KCNJ3: variants seen among roughly 807,000 people sequenced by gnomAD.
The protein encoded by KCNJ3 is potassium inwardly rectifying channel subfamily J member 3.
Under a neutral mutation model 39.2 loss-of-function variants are expected in KCNJ3, and 4 were observed. That is an observed-to-expected ratio of 0.10 (90% confidence interval 0.05 to 0.23). KCNJ3 has a LOEUF of 0.23. Ranked by LOEUF, KCNJ3 falls within the 10% of genes least tolerant of loss-of-function variation. KCNJ3 has a pLI of 1.00. For synonymous variants in KCNJ3, 230 were observed against 237.4 expected (o/e 0.97, Z 0.29); for missense variants, 276 against 634.9 (o/e 0.43, Z 6.08).
At chr2:154,769,457 G>A (rs1302158979) in intron 2 of KCNJ3, among the ~76,000 whole-genome samples, 4 of 152,074 alleles carry the variant, frequency 2.6e-5, no homozygotes, top group Admixed American at 1.3e-4. Context: ...TGTGGTTTTC[G>A]TCTTTTGTTC....
At chr2:154,796,238 T>C (rs1000841272) in intron 2 of KCNJ3, among the ~76,000 whole-genome samples, 3 of 152,142 alleles carry the variant, frequency 2.0e-5, no homozygotes, top group Non-Finnish European at 4.4e-5. Flanking sequence ...ATTCTAGGAA[T>C]GGCACTGAGA....
intron 2 of KCNJ3, among the ~76,000 whole-genome samples, chr2:154,818,613 C>A (rs2652457): frequency 0.44 from 66,601 of 151,962 alleles, 15,813 homozygotes; most frequent in Non-Finnish European, 0.54. Context: ...CTAGAAAAGT[C>A]ATACACCTAA....
chr2:154,753,086 A>G (rs999276725), intron 2 of KCNJ3, among the ~76,000 whole-genome samples: 1 of 152,000 alleles, frequency 6.6e-6, no homozygotes, highest in Non-Finnish European at 1.5e-5. Flanking sequence ...TCGGATAAGA[A>G]TTTTTCTCTA....
chr2:154,806,109 T>C lies in KCNJ3; in HGVS notation c.920-48618T>C, dbSNP rs554859962. On this transcript the variant is annotated intron_variant, in intron 2 of 2. Transcript: ENST00000295101. ...ACAATTATCTCATTCAAAATGTATG[T>C]TGTTTCCTCTCGAGAATTGTGAAGG... 2.6e-5 allele frequency among the ~76,000 whole-genome samples: 4 copies of C among 152,292 alleles called. 1 individual carries two copies. Among genetic ancestry groups the C allele is most frequent in the African/African-American group, 9.6e-5 (4 of 41,578 alleles).
chr2:154,819,048 C>A (rs1202731662), intron 2 of KCNJ3, among the ~76,000 whole-genome samples: 2 of 148,938 alleles, frequency 1.3e-5, no homozygotes, highest in Non-Finnish European at 3.0e-5. Context: ...GTCTATAATC[C>A]CAGCTACTCT....
chr2:154,745,661 C>T (rs1291980158), intron 2 of KCNJ3, among the ~76,000 whole-genome samples: 1 of 152,000 alleles, frequency 6.6e-6, no homozygotes, highest in Non-Finnish European at 1.5e-5. Flanking sequence ...AGAGAAGTCT[C>T]ACACTTTTGG....
At chr2:154,782,394 A>G (rs2105204276) in intron 2 of KCNJ3, among the ~76,000 whole-genome samples, 1 of 152,330 alleles carries the variant, frequency 6.6e-6, no homozygotes, top group African/African-American at 2.4e-5. Context: ...AGTAGGTGCT[A>G]ACTAAATGTT....
intron 2 of KCNJ3, among the ~76,000 whole-genome samples, chr2:154,764,919 T>C (rs2105191483): frequency 6.6e-6 from 1 of 152,284 alleles, no homozygotes; most frequent in East Asian, 1.9e-4. Flanking sequence ...TTTGCTCTAG[T>C]GGAAATGGCC....
intron 2 of KCNJ3, among the ~76,000 whole-genome samples, chr2:154,710,383 A>T (rs947553832): frequency 1.3e-5 from 2 of 152,112 alleles, no homozygotes; most frequent in African/African-American, 4.8e-5. Flanking sequence ...TTTCAAAAAG[A>T]TATTTTTTTC....
intron 2 of KCNJ3, among the ~76,000 whole-genome samples, chr2:154,853,162 G>A (rs1687784343): frequency 1.3e-5 from 2 of 151,062 alleles, no homozygotes; most frequent in South Asian, 2.1e-4. Context: ...AAAAAAGAGG[G>A]AAGAAGAGAG....
intron 2 of KCNJ3, among the ~76,000 whole-genome samples, chr2:154,727,433 AAAT>A (rs915596844): frequency 1.5e-4 from 23 of 151,774 alleles, no homozygotes; most frequent in African/African-American, 5.3e-4. Flanking sequence ...TAAAAAAAAA[AAAT>A]ACAAAATCAA....
chr2:154,773,582 A>C (rs543045100), intron 2 of KCNJ3, among the ~76,000 whole-genome samples: 3 of 152,250 alleles, frequency 2.0e-5, no homozygotes, highest in African/African-American at 7.2e-5. Flanking sequence ...AAGGACGATT[A>C]AGCCAGTGTC....
At chr2:154,769,614 C>T (rs182718611) in intron 2 of KCNJ3, among the ~76,000 whole-genome samples, 1 of 151,986 alleles carries the variant, frequency 6.6e-6, no homozygotes, top group Non-Finnish European at 1.5e-5. Flanking sequence ...GTTTTTGTGT[C>T]GATGTTCATC....
intron 2 of KCNJ3, among the ~76,000 whole-genome samples, chr2:154,795,374 C>G (rs966002332): frequency 6.6e-6 from 1 of 151,734 alleles, no homozygotes; most frequent in African/African-American, 2.4e-5. Context: ...AAGAATCTGT[C>G]TCAATTTTAA....
intron 2 of KCNJ3, among the ~76,000 whole-genome samples, chr2:154,789,675 C>T (rs1161943775): frequency 2.0e-5 from 3 of 152,076 alleles, no homozygotes; most frequent in Non-Finnish European, 4.4e-5. Flanking sequence ...TATATACACA[C>T]ATATGTAGGT....
chr2:154,713,104 G>A (rs972210950), intron 2 of KCNJ3, among the ~76,000 whole-genome samples: 1 of 151,958 alleles, frequency 6.6e-6, no homozygotes, highest in African/African-American at 2.4e-5. Context: ...ATTCTAGATG[G>A]TTTTATTGCA....
chr2:154,773,946 C>T (rs1686287008), intron 2 of KCNJ3, among the ~76,000 whole-genome samples: 1 of 152,042 alleles, frequency 6.6e-6, no homozygotes, highest in Non-Finnish European at 1.5e-5. Context: ...TTCATAACTG[C>T]CTGATGTTGT....
chr2:154,754,502 C>T (rs1292068054), intron 2 of KCNJ3, among the ~76,000 whole-genome samples: 5 of 152,106 alleles, frequency 3.3e-5, no homozygotes, highest in Admixed American at 6.6e-5. Flanking sequence ...CTCAAACTCC[C>T]GACCTCCGGC....
At chr2:154,769,759 T>G (rs1056481407) in intron 2 of KCNJ3, among the ~76,000 whole-genome samples, 1 of 152,180 alleles carries the variant, frequency 6.6e-6, no homozygotes. Flanking sequence ...TCAGAAGGAA[T>G]GGTACCAGGT....
Sources: allele counts gnomAD v4.1 joint callset (sites outside exome capture counted in the v4.1 genomes callset), GRCh38; gene constraint gnomAD v4.1.1; transcripts MANE v1.5; gene names NCBI Gene and HGNC (gene_info 2026-07-23, HGNC 2026-07-21).